The following TTC7B variants were observed in gnomAD, a reference collection of about 807,000 sequenced individuals.
TTC7B encodes tetratricopeptide repeat protein 7B.
A neutral mutation model predicts 106.8 loss-of-function variants in TTC7B; 28 were observed. That is an observed-to-expected ratio of 0.26 (90% CI 0.19 to 0.36). The LOEUF (loss-of-function observed/expected upper bound fraction) is 0.36. Among genes scored for constraint, TTC7B ranks in the 10% least tolerant of loss-of-function variants. The pLI is 1.00. For synonymous variants in TTC7B, 405 were observed against 430.6 expected (o/e 0.94, Z 0.74); for missense variants, 862 against 1,076.4 (o/e 0.80, Z 2.79).
chr14:90,699,770 C>T (rs60211239), intron 5 of TTC7B, among the ~76,000 whole-genome samples: 16,626 of 152,204 alleles, frequency 0.11, 1,004 homozygotes, highest in Admixed American at 0.18. Flanking sequence ...GTTACTTCCA[C>T]AATGACTGAG....
At chr14:90,636,332 T>C (rs887631448) in intron 15 of TTC7B, among the ~76,000 whole-genome samples, 1 of 150,166 alleles carries the variant, frequency 6.7e-6, no homozygotes, top group African/African-American at 2.5e-5. Context: ...TCATAAAAGG[T>C]TGAATGTACC....
chr14:90,611,721 G>A (rs927421224), intron 16 of TTC7B, among the ~76,000 whole-genome samples: 1 of 152,148 alleles, frequency 6.6e-6, no homozygotes, highest in Non-Finnish European at 1.5e-5. Flanking sequence ...ACCCGGTAAA[G>A]CCACACGGAA....
At chr14:90,695,170 A>C (rs1313938860) in intron 6 of TTC7B, among the ~76,000 whole-genome samples, 2 of 112,568 alleles carry the variant, frequency 1.8e-5, no homozygotes, top group African/African-American at 6.6e-5. Context: ...TATACATATA[A>C]AATATGTATA....
rs57299834 is a variant in TTC7B, at chr14:90,698,925, T to C, written c.699-3347A>G. Reference sequence around the variant, plus strand: ...AAGCCTACCACTTTTCATGGGGACATAGTCTACTCTTCCCTTGACCTACTT... The same window carrying C: ...AAGCCTACCACTTTTCATGGGGACACAGTCTACTCTTCCCTTGACCTACTT... On this transcript the variant is annotated intron_variant, in intron 5 of 19. Coordinates refer to ENST00000328459, the MANE Select transcript of TTC7B (RefSeq NM_001010854.2). The C allele has an allele frequency of 6.7e-3, 2,087 of 310,742 alleles. 42 individuals are homozygous for C. The highest frequency in any genetic ancestry group is 0.043 in the African/African-American group (1,919 of 44,476). The allele number at this position is 310,742 out of a possible 1,614,324, so 19.2% of individuals were successfully genotyped here. A position where few individuals can be genotyped will look rare whatever the true frequency, so the allele number is the denominator to read the frequency against.
chr14:90,545,389 T>G (rs1889785913), intron 19 of TTC7B, among the ~76,000 whole-genome samples: 1 of 152,204 alleles, frequency 6.6e-6, no homozygotes, highest in Admixed American at 6.5e-5. Context: ...CTTCCCATGT[T>G]ATGATGGGGA....
intron 4 of TTC7B, among the ~76,000 whole-genome samples, chr14:90,734,822 C>T (rs1229100772): frequency 6.6e-6 from 1 of 152,106 alleles, no homozygotes; most frequent in Non-Finnish European, 1.5e-5. Flanking sequence ...GAGTTTCTGT[C>T]GCCCAGGCTA....
intron 17 of TTC7B, among the ~76,000 whole-genome samples, chr14:90,595,518 C>T (rs1892166876): frequency 6.6e-6 from 1 of 152,154 alleles, no homozygotes; most frequent in Non-Finnish European, 1.5e-5. Flanking sequence ...TCTTATTTGT[C>T]ACCTTTTTTA....
chr14:90,620,741 A>G (rs1461840279), intron 15 of TTC7B, among the ~76,000 whole-genome samples: 2 of 152,150 alleles, frequency 1.3e-5, no homozygotes, highest in African/African-American at 4.8e-5. Flanking sequence ...CTTTAACTGT[A>G]CCCAAAGGAC....
At chr14:90,710,129 T>C (rs1888390344) in intron 5 of TTC7B, among the ~76,000 whole-genome samples, 1 of 151,154 alleles carries the variant, frequency 6.6e-6, no homozygotes, top group Non-Finnish European at 1.5e-5. Context: ...TTGTGATTCA[T>C]GGGAGGACAT....
chr14:90,653,019 G>A (rs891366414), intron 12 of TTC7B, 121 bp from the exon 13 acceptor site: 36 of 1,028,140 alleles, frequency 3.5e-5, no homozygotes, highest in South Asian at 1.2e-4. Flanking sequence ...GAGTGCCTAC[G>A]TGCCCAGTCC....
chr14:90,795,769 A>T (rs1891754527), intron 1 of TTC7B, among the ~76,000 whole-genome samples: 1 of 152,238 alleles, frequency 6.6e-6, no homozygotes, highest in Non-Finnish European at 1.5e-5. Context: ...TTGTGGGGCC[A>T]GAAAGCTCTA....
At chr14:90,702,480 A>T (rs1191924264) in intron 5 of TTC7B, among the ~76,000 whole-genome samples, 1 of 152,170 alleles carries the variant, frequency 6.6e-6, no homozygotes. Context: ...AGTGCTTTTT[A>T]AGTATTTGCC....
At chr14:90,607,480 T>G (rs1034131132) in intron 17 of TTC7B, among the ~76,000 whole-genome samples, 4 of 152,230 alleles carry the variant, frequency 2.6e-5, no homozygotes, top group Non-Finnish European at 5.9e-5. Flanking sequence ...CCAGGCCACA[T>G]TTGATCTCAG....
At chr14:90,662,274 G>A (rs915969545) in intron 9 of TTC7B, among the ~76,000 whole-genome samples, 46 of 152,312 alleles carry the variant, frequency 3.0e-4, no homozygotes, top group African/African-American at 1.0e-3. Flanking sequence ...TCTGGACCTC[G>A]TTCCAAGCAA....
intron 7 of TTC7B, 116 bp downstream of exon 7, chr14:90,689,424 T>C: frequency 3.4e-6 from 3 of 885,104 alleles, no homozygotes; most frequent in Non-Finnish European, 5.1e-6. Context: ...ATGACACTTG[T>C]TCATTTGATT....
chr14:90,686,345 T>A (rs563937320), intron 7 of TTC7B, among the ~76,000 whole-genome samples: 17 of 152,160 alleles, frequency 1.1e-4, no homozygotes, highest in Non-Finnish European at 2.4e-4. Context: ...GAAGGGCATC[T>A]ATAAAAGCCC....
intron 3 of TTC7B, among the ~76,000 whole-genome samples, chr14:90,769,535 G>T (rs767134102): frequency 6.6e-6 from 1 of 152,244 alleles, no homozygotes; most frequent in Admixed American, 6.5e-5. Flanking sequence ...GGAGGCTGAG[G>T]TGGGAGGATT....
At chr14:90,803,810 TCA>T (rs55829726) in intron 1 of TTC7B, among the ~76,000 whole-genome samples, 93,208 of 149,826 alleles carry the variant, frequency 0.62, 29,574 homozygotes, top group Middle Eastern at 0.72. Context: ...AGTACGCTGG[TCA>T]CACACACACA....
Position 90,644,153 on chromosome 14 carries a change from G to C in TTC7B, c.1646C>G (p.Ala549Gly), listed in dbSNP as rs145702221. The C allele has an allele frequency of 6.2e-7, 1 of 1,613,534 alleles. No individual in the cohort carries two copies. Among genetic ancestry groups the C allele is most frequent in the African/African-American group, 1.3e-5 (1 of 74,864 alleles). ...RQALQLQGDD[A>G]NSLHLLALLL... ...GAGGGCAAGGAGGTGCAGGGAGTTG[G>C]CATCGTCACCTTGAAGCTGAAGAGC... Residue 549 changes from alanine to glycine, a missense_variant, in exon 15 of 20, where the codon GCC becomes GGC. By Grantham distance (60) the Ala-to-Gly change is moderately conservative. Transcript: ENST00000328459.
Sources: gnomAD v4.1 joint callset for allele counts (sites outside exome capture counted in the v4.1 genomes callset) on GRCh38, gnomAD v4.1.1 for gene constraint, MANE v1.5 for transcripts, NCBI Gene and HGNC (gene_info 2026-07-23, HGNC 2026-07-21) for gene names.